CEP152: variants seen among roughly 807,000 people sequenced by gnomAD.
CEP152 encodes the protein centrosomal protein 152.
A neutral mutation model predicts 188.9 loss-of-function variants in CEP152; 132 were observed. That is an observed-to-expected ratio of 0.70 (90% CI 0.61 to 0.81). The LOEUF is 0.81. Ranked by LOEUF, CEP152 falls within the 30% of genes least tolerant of loss-of-function variation. The pLI, the probability that CEP152 is intolerant of heterozygous loss-of-function variation, is 0.00. For synonymous variants in CEP152, 649 were observed against 666.6 expected (o/e 0.97, Z 0.41); for missense variants, 1,914 against 1,969.8 (o/e 0.97, Z 0.54).
intron 26 of CEP152, 77 bp from the exon 27 acceptor site, chr15:48,739,365 A>T (rs1280925037): frequency 1.4e-5 from 20 of 1,442,792 alleles, no homozygotes; most frequent in African/African-American, 1.3e-4. Flanking sequence ...ACAAAAAAAT[A>T]AAAAAAATTA....
At position 48,767,321 on chromosome 15, in the gene CEP152, CTCTT is replaced by C; in HGVS notation, c.2147+10_2147+13del. 1 of 1,614,164 alleles carries C rather than the reference CTCTT, an allele frequency of 6.2e-7. No individual in the cohort carries two copies. Among genetic ancestry groups the C allele is most frequent in the Non-Finnish European group, 8.5e-7 (1 of 1,180,020 alleles). ...CTCTACAGCTTAAAAGGCAGCTAAACTCTTTATTCTCACCTCAGTTGCAAATGAG... is the reference window on the plus strand; with the variant it reads ...CTCTACAGCTTAAAAGGCAGCTAAACTATTCTCACCTCAGTTGCAAATGAG... On this transcript the variant is annotated intron_variant, in intron 16 of 26. Coordinates refer to ENST00000380950, the MANE Select transcript of CEP152 (RefSeq NM_001194998.2).
At chr15:48,770,920 C>G (rs990628651) in intron 13 of CEP152, among the ~76,000 whole-genome samples, 3 of 151,952 alleles carry the variant, frequency 2.0e-5, no homozygotes, top group African/African-American at 7.3e-5. Context: ...ATTATACATA[C>G]TTTAGCAGAA....
chr15:48,788,326 C>CTTT (rs538514112), intron 9 of CEP152, among the ~76,000 whole-genome samples: 183 of 96,966 alleles, frequency 1.9e-3, no homozygotes, highest in African/African-American at 2.5e-3. Context: ...TCACTGGCTT[C>CTTT]TTTTTTTTTT....
In CEP152 at chr15:48,756,412, G is replaced by C. The variant is rs774812085; in HGVS notation, c.2836C>G (p.Pro946Ala). The change falls in exon 20 of 27, where the codon CCT (proline) becomes GCT (alanine). Residue 946 changes from proline to alanine, a missense_variant. Physicochemically the swap from Pro to Ala is conservative, Grantham distance 27 (BLOSUM62 -1). Coordinates refer to ENST00000380950, the MANE Select transcript of CEP152 (RefSeq NM_001194998.2). ...GCTAACTCAGCCCTGATGACCACAG[G>C]GACTTCTTCGTTCTTTAACTCAAGT... ...KELELKNEEVPVVIRAELAKA... is the reference protein window; with the variant it reads ...KELELKNEEVAVVIRAELAKA... The C allele has an allele frequency of 2.5e-6, 4 of 1,612,906 alleles. No individual in the cohort carries two copies. The highest frequency in any genetic ancestry group is 3.4e-6 in the Non-Finnish European group (4 of 1,179,422).
At chr15:48,765,636 ATTTTTTTTT>A (rs34837739) in intron 17 of CEP152, 65 of 189,458 alleles carry the variant, frequency 3.4e-4, no homozygotes, top group African/African-American at 2.0e-3. Flanking sequence ...GTTCTTGCCA[ATTTTTTTTT>A]TTTTTTTTTT....
chr15:48,805,094 T>C (rs1897892369), intron 2 of CEP152, among the ~76,000 whole-genome samples: 1 of 152,198 alleles, frequency 6.6e-6, no homozygotes, highest in Non-Finnish European at 1.5e-5. Flanking sequence ...CCCCTATCAA[T>C]TGCTTTCATA....
intron 22 of CEP152, among the ~76,000 whole-genome samples, chr15:48,745,399 C>T (rs1893328766): frequency 6.6e-6 from 1 of 151,912 alleles, no homozygotes; most frequent in Middle Eastern, 3.2e-3. Flanking sequence ...GAAAGTTAAC[C>T]TTAAGTAGGT....
intron 17 of CEP152, among the ~76,000 whole-genome samples, chr15:48,766,364 G>A (rs1247804719): frequency 6.6e-6 from 1 of 152,204 alleles, no homozygotes; most frequent in Non-Finnish European, 1.5e-5. Context: ...GGTCCAAAGT[G>A]TGAAGGACAG....
rs991628469 is a variant in CEP152 at position 48,772,368 on chromosome 15, A to C, written c.1782+119T>G. On this transcript the variant is annotated intron_variant, in intron 13 of 26. Coordinates refer to ENST00000380950, the MANE Select transcript of CEP152 (RefSeq NM_001194998.2). ...TGAGGCTACAGGGAGCCATGTTTCC[A>C]CCACTGCCCTCCAGCCTGGAAGACA... 2.2e-5 allele frequency: 18 copies of C among 825,220 alleles called. No homozygotes were observed. The African/African-American group carries it at 3.1e-4, about 14-fold the overall frequency. The allele number at this position is 825,220 out of a possible 1,614,324, so 51.1% of individuals were successfully genotyped here.
chr15:48,792,852 T>C (rs1387017813), intron 7 of CEP152, among the ~76,000 whole-genome samples: 1 of 151,604 alleles, frequency 6.6e-6, no homozygotes, highest in African/African-American at 2.4e-5. Flanking sequence ...AGTCTCACTC[T>C]GTCACCCAGC....
At chr15:48,744,378 T>A in intron 23 of CEP152, 35 bp from the exon 24 acceptor site, 1 of 1,612,946 alleles carries the variant, frequency 6.2e-7, no homozygotes, top group Non-Finnish European at 8.5e-7. Flanking sequence ...AAAACAGAAA[T>A]GGTAAGTGAA....
downstream of CEP152, among the ~76,000 whole-genome samples, chr15:48,737,757 T>C (rs1483987139): frequency 6.6e-6 from 1 of 152,160 alleles, no homozygotes; most frequent in Non-Finnish European, 1.5e-5. Context: ...GAGTAGATAT[T>C]GCTAGGAAAA....
At chr15:48,769,106 T>G in intron 13 of CEP152, 25 bp from the exon 14 acceptor site, 1 of 1,574,552 alleles carries the variant, frequency 6.4e-7, no homozygotes, top group South Asian at 1.2e-5. Flanking sequence ...GTCAAAAGTT[T>G]TACAAGTTTT....
chr15:48,798,278 G>A (rs964482687), intron 2 of CEP152, among the ~76,000 whole-genome samples: 1 of 148,632 alleles, frequency 6.7e-6, no homozygotes, highest in Admixed American at 6.7e-5. Context: ...TTTTTTTAAC[G>A]AAGATCTCAG....
intron 6 of CEP152, among the ~76,000 whole-genome samples, chr15:48,795,019 C>T (rs1482809552): frequency 6.6e-6 from 1 of 152,140 alleles, no homozygotes; most frequent in Admixed American, 6.6e-5. Flanking sequence ...TATGACCTTT[C>T]CCCTACTAAT....
intron 1 of CEP152, among the ~76,000 whole-genome samples, chr15:48,807,076 C>CA (rs1312591663): frequency 6.6e-6 from 1 of 152,162 alleles, no homozygotes; most frequent in Non-Finnish European, 1.5e-5. Flanking sequence ...TCCCTACACC[C>CA]AACCCGTCCC....
In CEP152 at chr15:48,730,775, G is replaced by A. The variant is rs1268358036; in HGVS notation, c.142+10856C>T. On this transcript the variant is annotated intron_variant and NMD_transcript_variant, in intron 2 of 3. Transcript: ENST00000561245. ...AAATGCAAATTAAAACAACAGTGGAGAAATCAGCAGGCACACACCATAGAG... is the reference window on the plus strand; with the variant it reads ...AAATGCAAATTAAAACAACAGTGGAAAAATCAGCAGGCACACACCATAGAG... 2.6e-5 allele frequency among the ~76,000 whole-genome samples: 4 copies of A among 152,182 alleles called. No individual in the cohort carries two copies. The East Asian group carries it at 7.7e-4, about 29-fold the overall frequency.
chr15:48,786,155 AG>A (rs1321659680), intron 9 of CEP152, among the ~76,000 whole-genome samples: 1 of 152,188 alleles, frequency 6.6e-6, no homozygotes, highest in African/African-American at 2.4e-5. Flanking sequence ...CAAAAGCTGA[AG>A]TTTTCAAGGA....
chr15:48,760,516 T>G (rs1894604508), intron 18 of CEP152, among the ~76,000 whole-genome samples: 1 of 152,288 alleles, frequency 6.6e-6, no homozygotes, highest in East Asian at 1.9e-4. Context: ...ACCAGTACTA[T>G]CTTAGAAAGT....
Sources: gnomAD v4.1 joint callset for allele counts (sites outside exome capture counted in the v4.1 genomes callset) on GRCh38, gnomAD v4.1.1 for gene constraint, MANE v1.5 for transcripts, NCBI Gene and HGNC (gene_info 2026-07-23, HGNC 2026-07-21) for gene names.